Variants in WWOX observed in about 807,000 individuals in gnomAD.
WWOX encodes WW domain-containing oxidoreductase.
In WWOX, 69 loss-of-function variants were observed where a neutral mutation model predicts 46.2. The observed-to-expected ratio is 1.49, with a 90% confidence interval of 1.23 to 1.82. The LOEUF (loss-of-function observed/expected upper bound fraction) is 1.82. Ranked by LOEUF, WWOX falls within the 40% of genes most tolerant of loss-of-function variation. WWOX has a pLI of 0.00. For synonymous variants in WWOX, 359 were observed against 202.6 expected (o/e 1.77, Z -6.56); for missense variants, 919 against 542.6 (o/e 1.69, Z -6.89).
chr16:78,928,564 A>T (rs963489234), intron 8 of WWOX, among the ~76,000 whole-genome samples: 1 of 152,042 alleles, frequency 6.6e-6, no homozygotes, highest in Non-Finnish European at 1.5e-5. Context: ...TTCGTTACAG[A>T]TATTTGATGC....
Position 78,350,950 on chromosome 16 carries a change from A to C in WWOX, c.517-35910A>C, listed in dbSNP as rs1241870016. Among the ~76,000 whole-genome samples the C allele has an allele frequency of 1.3e-5, 2 of 149,018 alleles. 1 individual carries two copies. The highest frequency in any genetic ancestry group is 3.0e-5 in the Non-Finnish European group (2 of 66,728). On this transcript the variant is annotated intron_variant, in intron 5 of 8. Coordinates refer to ENST00000566780, the MANE Select transcript of WWOX (RefSeq NM_016373.4). ...AAGGTTCCGATTTCTCCATATCTTCACCAGCACTCGCTGTCATTTTTCTTT... is the reference window on the plus strand; with the variant it reads ...AAGGTTCCGATTTCTCCATATCTTCCCCAGCACTCGCTGTCATTTTTCTTT...
rs555508022 is a variant in WWOX at position 78,166,964 on chromosome 16, T to G, written c.516+2675T>G. ...TTCTTGGGACTAGCAGGAGGGCGTG[T>G]CAAAATTGTAAAACTCTGCCTATTT... On this transcript the variant is annotated intron_variant, in intron 5 of 8. Coordinates refer to ENST00000566780, the MANE Select transcript of WWOX (RefSeq NM_016373.4). 4.6e-5 allele frequency: 7 copies of G among 152,308 alleles called. No homozygotes were observed. The South Asian group carries it at 1.5e-3, about 32-fold the overall frequency. The allele number at this position is 152,308 out of a possible 1,614,324, so 9.4% of individuals were successfully genotyped here.
At chr16:78,609,883 A>G (rs2045857544) in intron 8 of WWOX, among the ~76,000 whole-genome samples, 3 of 152,160 alleles carry the variant, frequency 2.0e-5, no homozygotes, top group Admixed American at 2.0e-4. Context: ...TTCTTGCTTT[A>G]GTGATTAATT....
At chr16:79,139,667 T>C (rs2050051148) in intron 8 of WWOX, among the ~76,000 whole-genome samples, 1 of 152,170 alleles carries the variant, frequency 6.6e-6, no homozygotes, top group African/African-American at 2.4e-5. Context: ...GAAATGTTTT[T>C]AAAATCTCCA....
At chr16:78,490,160 G>T (rs2084743708) in intron 8 of WWOX, among the ~76,000 whole-genome samples, 1 of 150,176 alleles carries the variant, frequency 6.7e-6, no homozygotes, top group African/African-American at 2.5e-5. Flanking sequence ...GGTTGTGGTG[G>T]CGTTGGCTTT....
At chr16:78,147,700 A>ATTT (rs1567598463) in intron 4 of WWOX, among the ~76,000 whole-genome samples, 2 of 109,976 alleles carry the variant, frequency 1.8e-5, no homozygotes, top group Admixed American at 8.9e-5. Context: ...TTTTTTTAAA[A>ATTT]AAAAAAAAGG....
intron 8 of WWOX, among the ~76,000 whole-genome samples, chr16:78,912,274 G>T (rs1433364747): frequency 6.6e-6 from 1 of 152,022 alleles, no homozygotes; most frequent in East Asian, 1.9e-4. Flanking sequence ...TATATTCATT[G>T]AAGTCTCACT....
chr16:78,655,658 A>T (rs1222692150), intron 8 of WWOX, among the ~76,000 whole-genome samples: 1 of 152,114 alleles, frequency 6.6e-6, no homozygotes, highest in Non-Finnish European at 1.5e-5. Flanking sequence ...ACGGTCATTT[A>T]TATCAACAGA....
At chr16:78,204,227 T>C (rs987581968) in intron 5 of WWOX, among the ~76,000 whole-genome samples, 4 of 152,254 alleles carry the variant, frequency 2.6e-5, no homozygotes, top group Non-Finnish European at 5.9e-5. Context: ...CAGCCTTTTT[T>C]TGTTCTTTTA....
At chr16:78,847,144 C>T (rs936457524) in intron 8 of WWOX, among the ~76,000 whole-genome samples, 2 of 152,164 alleles carry the variant, frequency 1.3e-5, no homozygotes, top group Non-Finnish European at 2.9e-5. Flanking sequence ...TTAACTCATT[C>T]TCCATGGAGG....
At chr16:79,003,071 G>C (rs55837346) in intron 8 of WWOX, among the ~76,000 whole-genome samples, 1 of 152,116 alleles carries the variant, frequency 6.6e-6, no homozygotes, top group Non-Finnish European at 1.5e-5. Flanking sequence ...AGACAATTCA[G>C]ACCCCACTCT....
chr16:78,420,853 C>T (rs1022441041), intron 6 of WWOX, among the ~76,000 whole-genome samples: 7 of 151,972 alleles, frequency 4.6e-5, no homozygotes, highest in Non-Finnish European at 1.0e-4. Context: ...AAACCATAAA[C>T]AGGAAATAGG....
intron 8 of WWOX, among the ~76,000 whole-genome samples, chr16:78,966,337 G>T (rs570419917): frequency 6.6e-6 from 1 of 152,098 alleles, no homozygotes; most frequent in African/African-American, 2.4e-5. Context: ...GCTTCTTTCC[G>T]TTTACTGTAC....
intron 8 of WWOX, among the ~76,000 whole-genome samples, chr16:78,441,629 C>T (rs536225103): frequency 1.3e-5 from 2 of 152,004 alleles, no homozygotes; most frequent in Non-Finnish European, 2.9e-5. Flanking sequence ...AGACAGCTCT[C>T]GGGTCCAGCC....
intron 8 of WWOX, among the ~76,000 whole-genome samples, chr16:78,882,926 A>G (rs1161811898): frequency 1.3e-5 from 2 of 152,144 alleles, no homozygotes; most frequent in East Asian, 3.9e-4. Context: ...CCTGTCTTCC[A>G]GGAACCGGCA....
chr16:78,865,842 G>T (rs1462509580), intron 8 of WWOX, among the ~76,000 whole-genome samples: 1 of 152,158 alleles, frequency 6.6e-6, no homozygotes, highest in African/African-American at 2.4e-5. Flanking sequence ...TTGCACCACC[G>T]CACTCCAGCC....
chr16:78,534,755 G>C (rs574250490), intron 8 of WWOX, among the ~76,000 whole-genome samples: 2 of 151,570 alleles, frequency 1.3e-5, no homozygotes, highest in South Asian at 4.2e-4. Flanking sequence ...CTGTCTCCAG[G>C]CTGGAGTGCA....
Position 78,523,746 on chromosome 16 carries a change from T to TG in WWOX, c.1056+90995dup, listed in dbSNP as rs1399257332. ...ATGCTCCGTTTTCCCGCATACATGA[T>TG]GTCCAGCACAACGTCTGATTTATGA... is the stretch of plus-strand genomic sequence containing the variant. On this transcript the variant is annotated intron_variant, in intron 8 of 8. Coordinates refer to ENST00000566780, the MANE Select transcript of WWOX (RefSeq NM_016373.4). Among the ~76,000 whole-genome samples, 9 of 152,330 alleles carry TG rather than the reference T, an allele frequency of 5.9e-5. No individual in the cohort carries two copies. The East Asian group carries it at 1.7e-3, about 29-fold the overall frequency.
chr16:78,742,978 C>A (rs12447026), intron 8 of WWOX, among the ~76,000 whole-genome samples: 22,499 of 151,994 alleles, frequency 0.15, 2,064 homozygotes, highest in African/African-American at 0.25. Context: ...GTTAATGTCT[C>A]CCAAGCACAG....
Sources: allele counts gnomAD v4.1 joint callset (sites outside exome capture counted in the v4.1 genomes callset), GRCh38; gene constraint gnomAD v4.1.1; transcripts MANE v1.5; gene names NCBI Gene and HGNC (gene_info 2026-07-23, HGNC 2026-07-21).